Variants in DNAJC15 observed in about 807,000 individuals in gnomAD.
The protein encoded by DNAJC15 is DnaJ heat shock protein family (Hsp40) member C15.
A neutral mutation model predicts 22.4 loss-of-function variants in DNAJC15; 27 were observed. That is an observed-to-expected ratio of 1.20 (90% CI 0.89 to 1.66). DNAJC15 has a LOEUF of 1.66. Among genes scored for constraint, DNAJC15 ranks in the 40% most tolerant of loss-of-function variants. The probability of loss-of-function intolerance (pLI) is 0.00; values close to 1 mark genes in which losing one functional copy is unlikely to be tolerated. For synonymous variants in DNAJC15, 79 were observed against 63.2 expected (o/e 1.25, Z -1.19); for missense variants, 208 against 187.1 (o/e 1.11, Z -0.65).
chr13:43,078,715 T>C, intron 4 of DNAJC15, 27 bp downstream of exon 4: 1 of 1,600,092 alleles, frequency 6.2e-7, no homozygotes, highest in South Asian at 1.1e-5. Context: ...AGTATTGTTT[T>C]GTTGTGTGGC....
At chr13:43,040,024 A>G (rs1222228639) in intron 1 of DNAJC15, among the ~76,000 whole-genome samples, 1 of 107,802 alleles carries the variant, frequency 9.3e-6, no homozygotes, top group African/African-American at 3.8e-5. Context: ...GTCTCAAAAG[A>G]GAGAGAGAGA....
rs1593319720 is a variant in DNAJC15 at position 43,065,827 on chromosome 13, G to A, written c.160+90G>A. On this transcript the variant is annotated intron_variant, in intron 2 of 5. Transcript: ENST00000379221. ...TTCATGAGTAGACCCTTAGTATTCT[G>A]AGGTTTTGGTTTTCAGACATAATAC... The A allele has an allele frequency of 7.3e-6, 9 of 1,228,670 alleles. No individual in the cohort carries two copies. In the East Asian group the frequency reaches 2.1e-4, roughly 29 times the overall value. 76.1% of individuals were successfully genotyped at this position (1,228,670 alleles called of 1,614,324 possible).
intron 1 of DNAJC15, among the ~76,000 whole-genome samples, chr13:43,033,222 T>A (rs895714472): frequency 2.0e-5 from 3 of 152,158 alleles, no homozygotes; most frequent in Non-Finnish European, 4.4e-5. Flanking sequence ...CTGAACCATA[T>A]CAAGACAATA....
At position 43,108,754 on chromosome 13, in the gene DNAJC15, A is replaced by C. The variant is rs1464698909; in HGVS notation, c.*1506A>C. ...ACAAAAATGGTTCCAGATATTGCCA[A>C]ATGCCCTTTAGAGGACAGTAATCGC... On this transcript the variant is annotated 3_prime_UTR_variant, in exon 6 of 6. Coordinates refer to ENST00000379221, the MANE Select transcript of DNAJC15 (RefSeq NM_013238.3). The C allele has an allele frequency of 6.6e-6, 1 of 152,188 alleles. No individual in the cohort carries two copies. The highest frequency in any genetic ancestry group is 1.5e-5 in the Non-Finnish European group (1 of 68,038). 9.4% of individuals were successfully genotyped at this position (152,188 alleles called of 1,614,324 possible). A position where few individuals can be genotyped will look rare whatever the true frequency, so the allele number is the denominator to read the frequency against.
In DNAJC15 at chr13:43,106,795, CT is replaced by C. The variant is rs1276617288; in HGVS notation, c.383-380del. Among the ~76,000 whole-genome samples the C allele has an allele frequency of 8.1e-5, 11 of 135,224 alleles. No individual in the cohort carries two copies. The South Asian group carries it at 2.5e-3, about 30-fold the overall frequency. 88.7% of individuals were successfully genotyped at this position (135,224 alleles called of 152,430 possible). A position where few individuals can be genotyped will look rare whatever the true frequency, so the allele number is the denominator to read the frequency against. ...TACCCGTTTTCACAGATGAATGTGTCTTTAAAAAAAAAAAAACAGTCATGGA... is the reference window on the plus strand; with the variant it reads ...TACCCGTTTTCACAGATGAATGTGTCTTAAAAAAAAAAAAACAGTCATGGA... On this transcript the variant is annotated intron_variant, in intron 5 of 5. Coordinates refer to ENST00000379221, the MANE Select transcript of DNAJC15 (RefSeq NM_013238.3).
At chr13:43,032,628 A>G (rs2040408844) in intron 1 of DNAJC15, among the ~76,000 whole-genome samples, 1 of 152,176 alleles carries the variant, frequency 6.6e-6, no homozygotes, top group Non-Finnish European at 1.5e-5. Context: ...GTTCAAGACT[A>G]GCCTGGTCAA....
intron 5 of DNAJC15, among the ~76,000 whole-genome samples, chr13:43,099,365 G>T (rs9594884): frequency 0.02 from 3,030 of 152,158 alleles, 80 homozygotes; most frequent in South Asian, 0.11. Flanking sequence ...TTCCAATCTG[G>T]ATGTCTTTTT....
intron 1 of DNAJC15, among the ~76,000 whole-genome samples, chr13:43,025,739 AC>A (rs1158592444): frequency 6.6e-6 from 1 of 152,158 alleles, no homozygotes; most frequent in Non-Finnish European, 1.5e-5. Context: ...CCGTGTCTCT[AC>A]TAAAAATACA....
intron 4 of DNAJC15, among the ~76,000 whole-genome samples, chr13:43,079,434 A>T (rs944058036): frequency 2.0e-5 from 3 of 152,122 alleles, no homozygotes; most frequent in African/African-American, 7.2e-5. Context: ...ACATTTTATT[A>T]TTTCTTATGA....
chr13:43,024,348 T>TTG (rs2040369139), intron 1 of DNAJC15, among the ~76,000 whole-genome samples: 1 of 140,972 alleles, frequency 7.1e-6, no homozygotes, highest in African/African-American at 2.7e-5. Context: ...TTTTTTTTTT[T>TTG]TTTTTTTTTT....
chr13:43,081,419 A>G (rs2040660711), intron 4 of DNAJC15, among the ~76,000 whole-genome samples: 1 of 151,804 alleles, frequency 6.6e-6, no homozygotes. Flanking sequence ...AGTATTGTGT[A>G]TTATATGAAA....
intron 1 of DNAJC15, among the ~76,000 whole-genome samples, chr13:43,046,923 A>G (rs2040480104): frequency 6.6e-6 from 1 of 152,142 alleles, no homozygotes; most frequent in South Asian, 2.1e-4. Context: ...TTGTTACTGC[A>G]CGGCTAAGTG....
chr13:43,062,818 A>G (rs2040565236), intron 1 of DNAJC15, among the ~76,000 whole-genome samples: 1 of 151,986 alleles, frequency 6.6e-6, no homozygotes, highest in South Asian at 2.1e-4. Flanking sequence ...TCCTGGGTTC[A>G]AGTGATTCTC....
chr13:43,099,419 T>A (rs1050746405), intron 5 of DNAJC15, among the ~76,000 whole-genome samples: 1 of 152,208 alleles, frequency 6.6e-6, no homozygotes, highest in Non-Finnish European at 1.5e-5. Context: ...CATTACAATG[T>A]TGACTAGGTT....
rs867307560 is a variant in DNAJC15 at position 43,085,768 on chromosome 13, C to A, written c.312C>A (p.Ser104Arg). The change falls in exon 5 of 6, where the codon AGC (serine) becomes AGA (arginine). Residue 104 changes from serine (S) to arginine (R), a missense_variant and splice_region_variant. By Grantham distance (110) the Ser-to-Arg change is moderately radical. Coordinates refer to ENST00000379221, the MANE Select transcript of DNAJC15 (RefSeq NM_013238.3). ...RREAGLILGV[S>R]PSAGKAKIRT... ...TAAGCACTGTAATTTCTTTTTACAG[C>A]CCATCTGCTGGCAAGGCTAAGATTA... 6.2e-7 allele frequency: 1 copy of A among 1,611,408 alleles called. No homozygotes were observed. Among genetic ancestry groups the A allele is most frequent in the East Asian group, 2.2e-5 (1 of 44,734 alleles).
chr13:43,096,616 T>C (rs2040740902), intron 5 of DNAJC15, among the ~76,000 whole-genome samples: 1 of 152,186 alleles, frequency 6.6e-6, no homozygotes. Flanking sequence ...ACCAAAGACC[T>C]TGCTGTTAGG....
In DNAJC15 at chr13:43,108,966, T is replaced by G. The variant is rs1363624806; in HGVS notation, c.*1718T>G. 3 of 152,214 alleles carry G rather than the reference T, an allele frequency of 2.0e-5. No individual in the cohort carries two copies. The highest frequency in any genetic ancestry group is 7.2e-5 in the African/African-American group (3 of 41,446). The allele number at this position is 152,214 out of a possible 1,614,324, so 9.4% of individuals were successfully genotyped here. A position where few individuals can be genotyped will look rare whatever the true frequency, so the allele number is the denominator to read the frequency against. ...TGTTTTCACTTTTCTCCTGTTATCC[T>G]TGTACCTAAGAATGCCATCCCAATC... On this transcript the variant is annotated 3_prime_UTR_variant, in exon 6 of 6. Coordinates refer to ENST00000379221, the MANE Select transcript of DNAJC15 (RefSeq NM_013238.3).
intron 4 of DNAJC15, among the ~76,000 whole-genome samples, chr13:43,085,398 C>G (rs1287629608): frequency 6.6e-6 from 1 of 152,020 alleles, no homozygotes; most frequent in East Asian, 1.9e-4. Flanking sequence ...CAGTATGCCT[C>G]TGGAATCCAA....
chr13:43,082,968 C>A (rs2040669819), intron 4 of DNAJC15, among the ~76,000 whole-genome samples: 1 of 151,778 alleles, frequency 6.6e-6, no homozygotes, highest in Admixed American at 6.6e-5. Context: ...TAGAGGGCCA[C>A]ATGGTGATGA....
Sources: gnomAD v4.1 joint callset for allele counts (sites outside exome capture counted in the v4.1 genomes callset) on GRCh38, gnomAD v4.1.1 for gene constraint, MANE v1.5 for transcripts, NCBI Gene and HGNC (gene_info 2026-07-23, HGNC 2026-07-21) for gene names.